Variants in MRPL49 observed in about 807,000 individuals in gnomAD.
MRPL49 encodes mitochondrial ribosomal protein L49.
In MRPL49, 14 loss-of-function variants were observed where a neutral mutation model predicts 18.4. That is an observed-to-expected ratio of 0.76 (90% CI 0.50 to 1.19). The LOEUF (loss-of-function observed/expected upper bound fraction) is 1.19. Ranked by LOEUF, MRPL49 falls within the 50% of genes most tolerant of loss-of-function variation. The pLI is 0.00. For synonymous variants in MRPL49, 104 were observed against 86.2 expected (o/e 1.21, Z -1.14); for missense variants, 190 against 217.8 (o/e 0.87, Z 0.80).
intron 2 of MRPL49, 66 bp from the exon 3 acceptor site, chr11:65,125,422 G>T: frequency 6.2e-7 from 1 of 1,604,570 alleles, no homozygotes; most frequent in Non-Finnish European, 8.5e-7. Flanking sequence ...CTGAGAGCAA[G>T]GGCCTTGGCT....
In MRPL49 at chr11:65,125,987, T is replaced by A. The variant is rs1426333218; in HGVS notation, c.*115T>A. 20 of 1,304,372 alleles carry A rather than the reference T, an allele frequency of 1.5e-5. No individual in the cohort carries two copies. The highest frequency in any genetic ancestry group is 1.5e-5 in the South Asian group (1 of 67,920). The allele number at this position is 1,304,372 out of a possible 1,614,324, so 80.8% of individuals were successfully genotyped here. On this transcript the variant is annotated 3_prime_UTR_variant, in exon 4 of 4. Transcript: ENST00000279242. ...AGACAGGGGATACAGAAACTAGGGCTAAAGGACTTTGGGGTCAGGCCTTGC... is the reference window on the plus strand; with the variant it reads ...AGACAGGGGATACAGAAACTAGGGCAAAAGGACTTTGGGGTCAGGCCTTGC...
rs779415686 is a variant in MRPL49, at chr11:65,125,835, A to C, written c.464A>C (p.Gln155Pro). 2 of 1,610,930 alleles carry C rather than the reference A, an allele frequency of 1.2e-6. No individual in the cohort carries two copies. The highest frequency in any genetic ancestry group is 2.2e-5 in the South Asian group (2 of 90,968). Residue 155 changes from glutamine (Q) to proline (P), a missense_variant, in exon 4 of 4, where the codon CAG (glutamine) becomes CCG (proline). Gln to Pro is a moderately conservative substitution (Grantham distance 76). Coordinates refer to ENST00000279242, the MANE Select transcript of MRPL49 (RefSeq NM_004927.4). ...GTLRIKGYFD[Q>P]ELKAWLLEKG... ...CTACGGATCAAGGGCTACTTTGACC[A>C]GGAGCTTAAAGCCTGGCTCTTGGAG... is the stretch of plus-strand genomic sequence containing the variant.
chr11:65,127,090 T>TG lies in MRPL49; in HGVS notation c.*1221dup. On this transcript the variant is annotated 3_prime_UTR_variant, in exon 4 of 4. Transcript: ENST00000279242. ...TGCCCTGAAGCAGGGCACTGAACTC[T>TG]GGGCTGCTTCTCTGTGTGTAAAATG... 1.4e-6 allele frequency: 1 copy of TG among 699,924 alleles called. No homozygotes were observed. The highest frequency in any genetic ancestry group is 2.3e-4 in the Middle Eastern group (1 of 4,350). The allele number at this position is 699,924 out of a possible 1,614,324, so 43.4% of individuals were successfully genotyped here. A position where few individuals can be genotyped will look rare whatever the true frequency, so the allele number is the denominator to read the frequency against.
rs1205442874 is a variant in MRPL49, at chr11:65,127,030, AC to A, written c.*1159del. ...CCACCCTGCCCCCAAACTGGCTAAGACAGCTTTCAGTTCCTGACTCCCCAAC... is the reference window on the plus strand; with the variant it reads ...CCACCCTGCCCCCAAACTGGCTAAGAAGCTTTCAGTTCCTGACTCCCCAAC... On this transcript the variant is annotated 3_prime_UTR_variant, in exon 4 of 4. Transcript: ENST00000279242. The A allele has an allele frequency of 1.4e-6, 1 of 702,376 alleles. No homozygotes were observed. The highest frequency in any genetic ancestry group is 1.5e-5 in the South Asian group (1 of 67,548). The allele number at this position is 702,376 out of a possible 1,614,324, so 43.5% of individuals were successfully genotyped here. A position where few individuals can be genotyped will look rare whatever the true frequency, so the allele number is the denominator to read the frequency against.
At chr11:65,123,472 C>T (rs543260835) in intron 1 of MRPL49, among the ~76,000 whole-genome samples, 6 of 152,364 alleles carry the variant, frequency 3.9e-5, no homozygotes, top group South Asian at 2.1e-4. Context: ...CGGTGGCTCA[C>T]GCCTGTAATC....
At position 65,126,957 on chromosome 11, in the gene MRPL49, T is replaced by C; in HGVS notation, c.*1085T>C. 1 of 668,652 alleles carries C rather than the reference T, an allele frequency of 1.5e-6. No individual in the cohort carries two copies. Among genetic ancestry groups the C allele is most frequent in the Non-Finnish European group, 2.7e-6 (1 of 365,902 alleles). 41.4% of individuals were successfully genotyped at this position (668,652 alleles called of 1,614,324 possible). A position where few individuals can be genotyped will look rare whatever the true frequency, so the allele number is the denominator to read the frequency against. ...CATCCCAACCCCAGCTCACTAGCCTTCATATATGCCTTATACTTGGAGTCA... is the reference window on the plus strand; with the variant it reads ...CATCCCAACCCCAGCTCACTAGCCTCCATATATGCCTTATACTTGGAGTCA... On this transcript the variant is annotated 3_prime_UTR_variant, in exon 4 of 4. Coordinates refer to ENST00000279242, the MANE Select transcript of MRPL49 (RefSeq NM_004927.4).
chr11:65,124,809 C>T (rs1179810589), intron 2 of MRPL49, 157 bp downstream of exon 2: 27 of 754,300 alleles, frequency 3.6e-5, no homozygotes, highest in Non-Finnish European at 4.9e-5. Flanking sequence ...AAGGAAGAGC[C>T]GAGGAGTGGA....
chr11:65,124,933 C>G (rs1948086144), intron 2 of MRPL49: 1 of 361,480 alleles, frequency 2.8e-6, no homozygotes. Flanking sequence ...CTTCTTTCCC[C>G]CCAGCAGACT....
At position 65,125,874 on chromosome 11, in the gene MRPL49, G is replaced by T; in HGVS notation, c.*2G>T. On this transcript the variant is annotated 3_prime_UTR_variant, in exon 4 of 4. Transcript: ENST00000279242. ...TGGCTCTTGGAGAAAGGCTTCTGAG[G>T]CCCAGCCGAGCAGCCTGCTTGTCAG... 1 of 1,602,580 alleles carries T rather than the reference G, an allele frequency of 6.2e-7. No homozygotes were observed. Among genetic ancestry groups the T allele is most frequent in the Non-Finnish European group, 8.5e-7 (1 of 1,173,218 alleles).
intron 1 of MRPL49, 44 bp from the exon 2 acceptor site, chr11:65,124,458 G>T: frequency 6.3e-7 from 1 of 1,593,380 alleles, no homozygotes; most frequent in Non-Finnish European, 8.6e-7. Context: ...GCCATCCTGT[G>T]TTGGGTAGGC....
At chr11:65,122,977 C>T (rs1244670369) in intron 1 of MRPL49, among the ~76,000 whole-genome samples, 2 of 152,120 alleles carry the variant, frequency 1.3e-5, no homozygotes, top group African/African-American at 4.8e-5. Flanking sequence ...CCTCGGCCTC[C>T]CAAAGTGCTG....
At chr11:65,124,815 G>A (rs1055137759) in intron 2 of MRPL49, 163 bp downstream of exon 2, 6 of 714,990 alleles carry the variant, frequency 8.4e-6, no homozygotes, top group African/African-American at 1.8e-5. Context: ...GAGCCGAGGA[G>A]TGGAGCCTTC....
Position 65,126,731 on chromosome 11 carries a change from G to GC in MRPL49, c.*863dup, listed in dbSNP as rs1948105877. On this transcript the variant is annotated 3_prime_UTR_variant, in exon 4 of 4. Transcript: ENST00000279242. ...ACTGGGGCACAGAGTGCCCACGTTAGCCCCGGGCTCTGATAGAGAGGTAGG... is the reference window on the plus strand; with the variant it reads ...ACTGGGGCACAGAGTGCCCACGTTAGCCCCCGGGCTCTGATAGAGAGGTAGG... The GC allele has an allele frequency of 8.6e-6, 4 of 464,280 alleles. No homozygotes were observed. The highest frequency in any genetic ancestry group is 1.5e-5 in the Non-Finnish European group (4 of 260,072). 28.8% of individuals were successfully genotyped at this position (464,280 alleles called of 1,614,324 possible).
Position 65,122,442 on chromosome 11 carries a change from G to A in MRPL49, c.78+18G>A, listed in dbSNP as rs779004401. The A allele has an allele frequency of 7.5e-6, 12 of 1,606,004 alleles. No homozygotes were observed. In the East Asian group the frequency reaches 2.5e-4, roughly 33 times the overall value. ...GGCTGTTGGTGAGAGCGCTGAGCGA[G>A]GAGCTGAGGGCATCGCGTGGGTGTG... On this transcript the variant is annotated intron_variant, in intron 1 of 3. Transcript: ENST00000279242.
chr11:65,124,804 A>G (rs1948084941), intron 2 of MRPL49, 152 bp downstream of exon 2: 5 of 781,122 alleles, frequency 6.4e-6, no homozygotes, highest in South Asian at 2.0e-5. Flanking sequence ...TGCCCAAGGA[A>G]GAGCCGAGGA....
chr11:65,124,778 G>T, intron 2 of MRPL49, 126 bp downstream of exon 2: 1 of 1,054,196 alleles, frequency 9.5e-7, no homozygotes, highest in Non-Finnish European at 1.3e-6. Context: ...AATCCCTCTG[G>T]GTTACATCTG....
chr11:65,122,402 G>C lies in MRPL49; in HGVS notation c.56G>C (p.Arg19Pro), dbSNP rs774112746. 11 of 1,613,050 alleles carry C rather than the reference G, an allele frequency of 6.8e-6. No individual in the cohort carries two copies. The highest frequency in any genetic ancestry group is 6.7e-5 in the Admixed American group (4 of 59,958). ...TLRGWRTGVQ[R>P]GCGLRLLSQT... is the part of the protein sequence containing the mutation. ...CGGGGATGGAGAACCGGTGTCCAGC[G>C]GGGCTGCGGGCTACGGCTGTTGGTG... The change falls in exon 1 of 4, where the codon CGG (arginine) becomes CCG (proline). Residue 19 changes from arginine (R) to proline (P), a missense_variant. By Grantham distance (103) the Arg-to-Pro change is moderately radical (BLOSUM62 -2). Coordinates refer to ENST00000279242, the MANE Select transcript of MRPL49 (RefSeq NM_004927.4).
rs760132119 is a variant in MRPL49 at position 65,125,807 on chromosome 11, A to G, written c.436A>G (p.Thr146Ala). The change falls in exon 4 of 4, where the codon ACC becomes GCC. Residue 146 changes from threonine to alanine, a missense_variant. Transcript: ENST00000279242. ...PVTQVNEVTG[T>A]LRIKGYFDQE... ...CACCCAGGTCAATGAGGTGACAGGT[A>G]CCCTACGGATCAAGGGCTACTTTGA... 1.2e-6 allele frequency: 2 copies of G among 1,612,892 alleles called. No individual in the cohort carries two copies. Among genetic ancestry groups the G allele is most frequent in the South Asian group, 2.2e-5 (2 of 91,026 alleles).
intron 1 of MRPL49, 102 bp downstream of exon 1, chr11:65,122,526 A>T: frequency 8.8e-7 from 1 of 1,140,352 alleles, no homozygotes; most frequent in Non-Finnish European, 1.2e-6. Context: ...TTGGGGCCTT[A>T]GTTTTGCCGT....
Sources: allele counts gnomAD v4.1 joint callset (sites outside exome capture counted in the v4.1 genomes callset), GRCh38; gene constraint gnomAD v4.1.1; transcripts MANE v1.5; gene names NCBI Gene and HGNC (gene_info 2026-07-23, HGNC 2026-07-21).